PHTF2: variants seen among roughly 807,000 people sequenced by gnomAD.
PHTF2 encodes putative homeodomain transcription factor 2, also known as protein PHTF2.
A neutral mutation model predicts 101.2 loss-of-function variants in PHTF2; 60 were observed. The ratio of observed to expected loss-of-function variants is 0.59; its 90% CI spans 0.48 to 0.73. PHTF2 has a LOEUF of 0.73. Among genes scored for constraint, PHTF2 ranks in the 30% least tolerant of loss-of-function variants. The pLI is 0.00. For synonymous variants in PHTF2, 311 were observed against 307.3 expected, an observed-to-expected ratio of 1.01 and a Z score of -0.13; for missense variants, 747 against 908.7, an observed-to-expected ratio of 0.82 and a Z score of 2.29.
intron 1 of PHTF2, among the ~76,000 whole-genome samples, chr7:77,820,554 G>A (rs1029599742): frequency 4.0e-5 from 6 of 151,640 alleles, no homozygotes; most frequent in East Asian, 1.9e-4. Flanking sequence ...TTGTGTATAC[G>A]TATATTAGAG....
chr7:77,951,256 T>C (rs978095398), intron 17 of PHTF2, among the ~76,000 whole-genome samples: 14 of 152,112 alleles, frequency 9.2e-5, no homozygotes, highest in African/African-American at 3.4e-4. Flanking sequence ...CTGGGCAACA[T>C]AGCAAGACCC....
intron 1 of PHTF2, among the ~76,000 whole-genome samples, chr7:77,803,986 G>T (rs540663765): frequency 1.3e-5 from 2 of 152,262 alleles, no homozygotes; most frequent in South Asian, 2.1e-4. Context: ...AAAAATAAAT[G>T]AAGTAGGATT....
At chr7:77,953,632 C>A in intron 18 of PHTF2, 137 bp from the exon 18 acceptor site, 7 of 600,956 alleles carry the variant, frequency 1.2e-5, no homozygotes, top group South Asian at 3.5e-5. Context: ...CAAGTTTAAC[C>A]AAGTTTATCC....
At chr7:77,951,359 A>T (rs1273313702) in intron 17 of PHTF2, among the ~76,000 whole-genome samples, 2 of 152,154 alleles carry the variant, frequency 1.3e-5, no homozygotes, top group Non-Finnish European at 2.9e-5. Flanking sequence ...TTTGGCTCCG[A>T]TAATAAAGTG....
chr7:77,802,122 C>T (rs762119256), intron 1 of PHTF2, among the ~76,000 whole-genome samples: 4 of 152,044 alleles, frequency 2.6e-5, no homozygotes, highest in Non-Finnish European at 5.9e-5. Flanking sequence ...GCATTCCATG[C>T]AGAACAGGAA....
intron 3 of PHTF2, among the ~76,000 whole-genome samples, chr7:77,886,315 A>G (rs1584595754): frequency 1.3e-5 from 2 of 152,238 alleles, no homozygotes; most frequent in East Asian, 3.9e-4. Context: ...TCACCATCTA[A>G]TTATCTAGGT....
chr7:77,923,616 C>T, intron 11 of PHTF2: 1 of 985,076 alleles, frequency 1.0e-6, no homozygotes, highest in Non-Finnish European at 1.2e-6. Flanking sequence ...GCCATACAGA[C>T]ACTAATGCCA....
chr7:77,859,140 T>C (rs1432004094), intron 3 of PHTF2, among the ~76,000 whole-genome samples: 1 of 152,206 alleles, frequency 6.6e-6, no homozygotes, highest in African/African-American at 2.4e-5. Flanking sequence ...GTTCTCTCCT[T>C]TTCTTATGAG....
chr7:77,833,393 T>C (rs538501161), intron 1 of PHTF2, among the ~76,000 whole-genome samples: 1 of 152,304 alleles, frequency 6.6e-6, no homozygotes, highest in East Asian at 1.9e-4. Flanking sequence ...CAGCAGAGAA[T>C]GATACAAGGT....
chr7:77,942,888 G>A (rs778876214), intron 16 of PHTF2, 102 bp downstream of exon 15: 57 of 620,882 alleles, frequency 9.2e-5, no homozygotes, highest in Non-Finnish European at 1.5e-4. Flanking sequence ...TAGTTAGAAA[G>A]TAAGTTTTGA....
chr7:77,948,411 T>A (rs374245050), intron 16 of PHTF2, among the ~76,000 whole-genome samples: 6 of 151,948 alleles, frequency 3.9e-5, no homozygotes, highest in Admixed American at 3.3e-4. Context: ...AAAAATAAAT[T>A]CTAGGTGGAT....
chr7:77,822,442 A>T (rs1017419084), intron 1 of PHTF2, among the ~76,000 whole-genome samples: 1 of 150,038 alleles, frequency 6.7e-6, no homozygotes, highest in Non-Finnish European at 1.5e-5. Flanking sequence ...TCTCACAGGG[A>T]GTGGTTGGGT....
intron 2 of PHTF2, among the ~76,000 whole-genome samples, chr7:77,850,358 C>A (rs1268470049): frequency 4.8e-5 from 2 of 41,778 alleles, no homozygotes; most frequent in Admixed American, 2.7e-4. Context: ...AAGACCTTGT[C>A]TCAAAAAAAA....
chr7:77,874,401 A>G lies in PHTF2; in HGVS notation c.148-19207A>G, dbSNP rs1584555147. ...GAGGGACAGAACTAATGGAATAACT[A>G]TATATATAAAGGAGAGTTTATTAAG... On this transcript the variant is annotated intron_variant, in intron 3 of 19. Coordinates refer to ENST00000416283, the Ensembl canonical transcript of PHTF2. Among the ~76,000 whole-genome samples the G allele has an allele frequency of 3.3e-5, 5 of 152,248 alleles. No individual in the cohort carries two copies. In the East Asian group the frequency reaches 7.7e-4, roughly 24 times the overall value.
chr7:77,894,366 A>G (rs1053882243), intron 5 of PHTF2, among the ~76,000 whole-genome samples: 5 of 152,190 alleles, frequency 3.3e-5, no homozygotes, highest in African/African-American at 9.6e-5. Context: ...GCTAAATTTA[A>G]TCTGGGCACA....
At chr7:77,895,108 AT>A in intron 5 of PHTF2, 1 of 453,194 alleles carries the variant, frequency 2.2e-6, no homozygotes, top group East Asian at 7.0e-5. Flanking sequence ...AGAAGAGCAC[AT>A]TTAGAATTCT....
At chr7:77,924,006 A>G in intron 11 of PHTF2, 1 of 892,370 alleles carries the variant, frequency 1.1e-6, no homozygotes. Flanking sequence ...AAGAAATTAC[A>G]TAAATATAAA....
intron 11 of PHTF2, chr7:77,923,787 G>C (rs956076733): frequency 2.0e-6 from 2 of 985,034 alleles, no homozygotes; most frequent in East Asian, 1.1e-4. Flanking sequence ...CCCTCTCCCA[G>C]AATAAATTAT....
At chr7:77,953,496 C>G (rs1369078448) in intron 18 of PHTF2, among the ~76,000 whole-genome samples, 2 of 152,096 alleles carry the variant, frequency 1.3e-5, no homozygotes, top group Non-Finnish European at 2.9e-5. Context: ...AAAAAATGTT[C>G]TCTAGCCTCT....
Sources: gnomAD v4.1 joint callset for allele counts (sites outside exome capture counted in the v4.1 genomes callset) on GRCh38, gnomAD v4.1.1 for gene constraint, MANE v1.5 for transcripts, NCBI Gene and HGNC (gene_info 2026-07-23, HGNC 2026-07-21) for gene names.